AK8: variants seen among roughly 807,000 people sequenced by gnomAD.
AK8 encodes the protein adenylate kinase 8, also known as ATP-AMP transphosphorylase 8.
Under a neutral mutation model 54.6 loss-of-function variants are expected in AK8, and 44 were observed. That is an observed-to-expected ratio of 0.81 (90% confidence interval 0.63 to 1.04). AK8 has a LOEUF of 1.04. Among genes scored for constraint, AK8 ranks in the 50% least tolerant of loss-of-function variants. The pLI is 0.00. For synonymous variants in AK8, 239 were observed against 245.6 expected (o/e 0.97, Z 0.25); for missense variants, 555 against 613.6 (o/e 0.90, Z 1.01).
chr9:132,845,839 T>C (rs925234667), intron 5 of AK8, among the ~76,000 whole-genome samples: 5 of 151,480 alleles, frequency 3.3e-5, no homozygotes, highest in African/African-American at 1.2e-4. Flanking sequence ...GATATCCAGC[T>C]GCAAACACAG....
In AK8 at chr9:132,837,381, C is replaced by T. The variant is rs1262456674; in HGVS notation, c.403-8655G>A. ...GTTGGCCCCCTTCTGCTCTGCCCTT[C>T]TGCTGTGGGTGCCCTGCTAGCTCTC... On this transcript the variant is annotated intron_variant, in intron 5 of 12. Transcript: ENST00000298545. The surrounding 1 kb of genome is among the most constrained non-coding windows in gnomAD (Gnocchi z 4.3). Among the ~76,000 whole-genome samples, 1 of 151,686 alleles carries T rather than the reference C, an allele frequency of 6.6e-6. No individual in the cohort carries two copies. Among genetic ancestry groups the T allele is most frequent in the Admixed American group, 6.6e-5 (1 of 15,254 alleles).
At chr9:132,857,366 A>G (rs1009950587) in intron 4 of AK8, among the ~76,000 whole-genome samples, 3 of 151,954 alleles carry the variant, frequency 2.0e-5, no homozygotes, top group Admixed American at 2.0e-4. Flanking sequence ...GCCCACCTAC[A>G]CAGGGCCCCC....
At chr9:132,852,992 G>A (rs1439923233) in intron 5 of AK8, among the ~76,000 whole-genome samples, 2 of 151,830 alleles carry the variant, frequency 1.3e-5, no homozygotes, top group Non-Finnish European at 2.9e-5. Context: ...ATAAATTCAG[G>A]AGCTCAGCAA....
chr9:132,727,770 C>T (rs1564368471), intron 11 of AK8, among the ~76,000 whole-genome samples: 2 of 152,124 alleles, frequency 1.3e-5, no homozygotes, highest in African/African-American at 4.8e-5. Flanking sequence ...AACCAATATT[C>T]TTCCTGCCCT....
intron 9 of AK8, among the ~76,000 whole-genome samples, chr9:132,822,631 A>G: frequency 6.6e-6 from 1 of 152,060 alleles, no homozygotes; most frequent in East Asian, 1.9e-4. Context: ...CCTGAACACA[A>G]GCTGGCATCC....
chr9:132,784,768 C>T (rs1219880688), intron 11 of AK8, among the ~76,000 whole-genome samples: 4 of 151,894 alleles, frequency 2.6e-5, no homozygotes, highest in African/African-American at 7.3e-5. Context: ...TATCTATGTA[C>T]CCTAGCTGAA....
At chr9:132,836,047 T>A (rs1842309788) in intron 5 of AK8, among the ~76,000 whole-genome samples, 1 of 152,076 alleles carries the variant, frequency 6.6e-6, no homozygotes, top group South Asian at 2.1e-4. Flanking sequence ...CGCTTGCACC[T>A]GGAAGGTGGA....
In AK8 at chr9:132,823,216, C is replaced by T; in HGVS notation, c.878G>A (p.Arg293Lys). Residue 293 changes from arginine to lysine, a missense_variant, in exon 9 of 13, where the codon AGG (arginine) becomes AAG (lysine). Transcript: ENST00000298545. ...CCTGGGGCACTCACCATTGACAAGCCTGTATTTCTGGGCCAGGAGGGCGGC... is the reference window on the plus strand; with the variant it reads ...CCTGGGGCACTCACCATTGACAAGCTTGTATTTCTGGGCCAGGAGGGCGGC... ...LQAALLAQKY[R>K]LVNVCCGQLL... The T allele has an allele frequency of 6.3e-7, 1 of 1,584,740 alleles. No individual in the cohort carries two copies. Among genetic ancestry groups the T allele is most frequent in the African/African-American group, 1.4e-5 (1 of 73,972 alleles).
intron 4 of AK8, among the ~76,000 whole-genome samples, chr9:132,863,069 A>G (rs548875741): frequency 6.6e-6 from 1 of 152,382 alleles, no homozygotes; most frequent in Non-Finnish European, 1.5e-5. Context: ...TGTTTTTCAA[A>G]TATCGAGCTG....
In AK8 at chr9:132,749,225, C is replaced by G. The variant is rs528022270; in HGVS notation, c.1122-21691G>C. ...AAGCATGCTACATAACATAATTTCA[C>G]GCAATCTTCTCTTTGTAGGAGTTAG... On this transcript the variant is annotated intron_variant, in intron 11 of 12. Coordinates refer to ENST00000298545, the MANE Select transcript of AK8 (RefSeq NM_152572.3). 2.0e-5 allele frequency among the ~76,000 whole-genome samples: 3 copies of G among 152,088 alleles called. No individual in the cohort carries two copies. In the East Asian group the frequency reaches 5.8e-4, roughly 29 times the overall value.
intron 5 of AK8, among the ~76,000 whole-genome samples, chr9:132,836,131 A>C (rs1189264511): frequency 1.3e-5 from 2 of 152,122 alleles, no homozygotes; most frequent in Non-Finnish European, 2.9e-5. Context: ...CTCAAAAAAA[A>C]ACAAAAAGTT....
intron 10 of AK8, among the ~76,000 whole-genome samples, chr9:132,797,664 TTC>T (rs962164788): frequency 2.5e-4 from 38 of 152,234 alleles, no homozygotes; most frequent in African/African-American, 8.7e-4. Flanking sequence ...CATTATTCTA[TTC>T]TCTCTGCTTT....
intron 11 of AK8, among the ~76,000 whole-genome samples, chr9:132,789,619 AAAAGAAAG>A (rs1225712403): frequency 6.7e-6 from 1 of 149,718 alleles, no homozygotes; most frequent in Non-Finnish European, 1.5e-5. Context: ...AAAAAAAAAA[AAAAGAAAG>A]AAAGAAAAGA....
chr9:132,837,753 C>T lies in AK8; in HGVS notation c.403-9027G>A, dbSNP rs1842385043. Among the ~76,000 whole-genome samples, 1 of 152,184 alleles carries T rather than the reference C, an allele frequency of 6.6e-6. No individual in the cohort carries two copies. The highest frequency in any genetic ancestry group is 2.1e-4 in the South Asian group (1 of 4,830). ...ATATCACACCAACCAACCAACCACG[C>T]CTCAGCATCAGGGTCTCTTACAGAA... On this transcript the variant is annotated intron_variant, in intron 5 of 12. Coordinates refer to ENST00000298545, the MANE Select transcript of AK8 (RefSeq NM_152572.3). The surrounding 1 kb of genome is among the most constrained non-coding windows in gnomAD (Gnocchi z 4.3).
At chr9:132,808,837 G>A (rs796685888) in intron 10 of AK8, among the ~76,000 whole-genome samples, 6 of 152,190 alleles carry the variant, frequency 3.9e-5, no homozygotes, top group South Asian at 2.1e-4. Flanking sequence ...GCCAGCAGCC[G>A]GGAGCACAGG....
At chr9:132,762,505 A>T (rs760888150) in intron 11 of AK8, among the ~76,000 whole-genome samples, 3 of 152,218 alleles carry the variant, frequency 2.0e-5, no homozygotes, top group Non-Finnish European at 4.4e-5. Flanking sequence ...TCTCCCTTCC[A>T]CAAAGACGGC....
intron 5 of AK8, among the ~76,000 whole-genome samples, chr9:132,830,232 T>A (rs971139005): frequency 6.6e-6 from 1 of 152,254 alleles, no homozygotes; most frequent in Non-Finnish European, 1.5e-5. Flanking sequence ...TTGCTCAGTT[T>A]GACTCCAGTT....
chr9:132,854,357 C>T (rs1190740148), intron 5 of AK8, among the ~76,000 whole-genome samples: 1 of 152,238 alleles, frequency 6.6e-6, no homozygotes, highest in Admixed American at 6.5e-5. Context: ...TGCTATGCTG[C>T]TGTCCTCCTG....
Position 132,873,103 on chromosome 9 carries a change from G to A in AK8, c.169+2012C>T, listed in dbSNP as rs377748815. On this transcript the variant is annotated intron_variant, in intron 2 of 12. Transcript: ENST00000298545. The stretch of plus-strand genomic sequence containing the variant: ...GCTGGGATTACAGGCGTGAGCCACC[G>A]CACCCAGCCAATTTTCGTATTTTTA... 1.4e-4 allele frequency among the ~76,000 whole-genome samples: 22 copies of A among 152,248 alleles called. No homozygotes were observed. The South Asian group carries it at 2.5e-3, about 17-fold the overall frequency.
Sources: allele counts gnomAD v4.1 joint callset (sites outside exome capture counted in the v4.1 genomes callset), GRCh38; gene constraint gnomAD v4.1.1; non-coding constraint Gnocchi (gnomAD v3.1); transcripts MANE v1.5; gene names NCBI Gene and HGNC (gene_info 2026-07-23, HGNC 2026-07-21).